The following CNTN5 variants were observed in gnomAD, a reference collection of about 807,000 sequenced individuals.
CNTN5 encodes contactin-5.
In CNTN5, 77 loss-of-function variants were observed where a neutral mutation model predicts 129.1. That is an observed-to-expected ratio of 0.60 (90% CI 0.50 to 0.72). CNTN5 has a LOEUF of 0.72. Among genes scored for constraint, CNTN5 ranks in the 30% least tolerant of loss-of-function variants. CNTN5 has a pLI of 0.00. For synonymous variants in CNTN5, 509 were observed against 465.6 expected (o/e 1.09, Z -1.20); for missense variants, 1,478 against 1,328.8 (o/e 1.11, Z -1.75).
intron 23 of CNTN5, among the ~76,000 whole-genome samples, chr11:100,342,597 G>T (rs1481652070): frequency 6.6e-6 from 1 of 151,968 alleles, no homozygotes; most frequent in Non-Finnish European, 1.5e-5. Context: ...ACTACTCTTT[G>T]TTCACATTTG....
chr11:99,135,432 T>C (rs531192511), intron 1 of CNTN5, among the ~76,000 whole-genome samples: 3 of 152,042 alleles, frequency 2.0e-5, no homozygotes, highest in Non-Finnish European at 4.4e-5. Flanking sequence ...AAATAGCAAG[T>C]ACAAAGACAT....
chr11:99,341,283 C>A (rs1866502937), intron 2 of CNTN5, among the ~76,000 whole-genome samples: 1 of 151,990 alleles, frequency 6.6e-6, no homozygotes, highest in African/African-American at 2.4e-5. Context: ...GTATTACAAA[C>A]AAAATACAAG....
intron 8 of CNTN5, among the ~76,000 whole-genome samples, chr11:99,968,713 C>T (rs546105400): frequency 7.1e-5 from 8 of 111,980 alleles, no homozygotes; most frequent in East Asian, 6.2e-4. Context: ...TGCTGCTCCT[C>T]GGGTACTGAA....
chr11:99,348,136 G>A (rs958743806), intron 2 of CNTN5, among the ~76,000 whole-genome samples: 1 of 152,122 alleles, frequency 6.6e-6, no homozygotes, highest in South Asian at 2.1e-4. Context: ...TCAGGAGATC[G>A]AGACCATCCT....
intron 3 of CNTN5, among the ~76,000 whole-genome samples, chr11:99,780,886 T>G (rs1017503155): frequency 6.6e-6 from 1 of 152,028 alleles, no homozygotes; most frequent in African/African-American, 2.4e-5. Flanking sequence ...GAGAGAATCC[T>G]TGGTAAATCA....
intron 3 of CNTN5, among the ~76,000 whole-genome samples, chr11:99,599,381 T>A (rs771154725): frequency 9.9e-4 from 151 of 152,146 alleles, no homozygotes; most frequent in Non-Finnish European, 1.6e-3. Flanking sequence ...CATTTAGAAA[T>A]GGATTTTAAC....
At chr11:99,842,191 G>T (rs977907613) in intron 4 of CNTN5, among the ~76,000 whole-genome samples, 1 of 151,936 alleles carries the variant, frequency 6.6e-6, no homozygotes, top group Non-Finnish European at 1.5e-5. Flanking sequence ...CACCACACCC[G>T]GGTATTTCCT....
At chr11:99,712,602 A>G (rs752235782) in intron 3 of CNTN5, among the ~76,000 whole-genome samples, 3 of 151,914 alleles carry the variant, frequency 2.0e-5, no homozygotes, top group Non-Finnish European at 4.4e-5. Context: ...TAGGGTTTTT[A>G]TGGTTTTAGG....
intron 21 of CNTN5, among the ~76,000 whole-genome samples, chr11:100,316,193 T>G (rs1951569256): frequency 6.6e-6 from 1 of 152,138 alleles, no homozygotes; most frequent in Non-Finnish European, 1.5e-5. Flanking sequence ...TAAGGCCAAA[T>G]TTCATAATCA....
intron 2 of CNTN5, among the ~76,000 whole-genome samples, chr11:99,502,619 G>C (rs771604354): frequency 8.7e-4 from 132 of 152,234 alleles, no homozygotes; most frequent in Non-Finnish European, 1.7e-3. Flanking sequence ...TGAACTGTAA[G>C]TCAATTAAAC....
At chr11:100,169,467 CTGA>C (rs991670224) in intron 13 of CNTN5, among the ~76,000 whole-genome samples, 63 of 152,080 alleles carry the variant, frequency 4.1e-4, no homozygotes, top group African/African-American at 1.4e-3. Context: ...AGCCATCACC[CTGA>C]TAAGTCAGCA....
intron 1 of CNTN5, among the ~76,000 whole-genome samples, chr11:99,302,876 G>A (rs1864706390): frequency 6.6e-6 from 1 of 151,336 alleles, no homozygotes; most frequent in Non-Finnish European, 1.5e-5. Context: ...AAAATGGAAT[G>A]GAACACTAGA....
intron 8 of CNTN5, among the ~76,000 whole-genome samples, chr11:99,975,323 C>G (rs1937873835): frequency 6.6e-6 from 1 of 152,122 alleles, no homozygotes. Context: ...CGTTTTCGGA[C>G]TTGCATGAGG....
intron 1 of CNTN5, among the ~76,000 whole-genome samples, chr11:99,067,054 C>A (rs1865132097): frequency 6.6e-6 from 1 of 152,114 alleles, no homozygotes; most frequent in African/African-American, 2.4e-5. Flanking sequence ...TTTCCCTTTT[C>A]TATCATTAGC....
At chr11:99,634,317 A>G (rs774602488) in intron 3 of CNTN5, among the ~76,000 whole-genome samples, 4 of 152,100 alleles carry the variant, frequency 2.6e-5, no homozygotes, top group Admixed American at 6.5e-5. Flanking sequence ...GGGAGATTTA[A>G]GGAAATACAG....
intron 1 of CNTN5, among the ~76,000 whole-genome samples, chr11:99,194,402 C>T (rs1413959837): frequency 2.0e-5 from 3 of 152,040 alleles, no homozygotes; most frequent in Non-Finnish European, 4.4e-5. Flanking sequence ...CAATAAGATA[C>T]ACAGCACATA....
intron 8 of CNTN5, among the ~76,000 whole-genome samples, chr11:99,959,106 C>T (rs77484285): frequency 0.07 from 10,603 of 152,154 alleles, 749 homozygotes; most frequent in East Asian, 0.31. Context: ...TCTTCTGTTG[C>T]CCTTGTTTGG....
chr11:99,482,881 A>C (rs1342748914), intron 2 of CNTN5, among the ~76,000 whole-genome samples: 1 of 152,156 alleles, frequency 6.6e-6, no homozygotes, highest in African/African-American at 2.4e-5. Context: ...TTTGCAAAAA[A>C]ACACGTATGC....
At chr11:99,056,560 T>C (rs988794563) in intron 1 of CNTN5, among the ~76,000 whole-genome samples, 1 of 152,002 alleles carries the variant, frequency 6.6e-6, no homozygotes, top group Non-Finnish European at 1.5e-5. Context: ...ACCAGCATCA[T>C]ATTTTAATAA....
Sources: allele counts gnomAD v4.1 joint callset (sites outside exome capture counted in the v4.1 genomes callset), GRCh38; gene constraint gnomAD v4.1.1; transcripts MANE v1.5; gene names NCBI Gene and HGNC (gene_info 2026-07-23, HGNC 2026-07-21).